The following CAST variants were observed in gnomAD, a reference collection of about 807,000 sequenced individuals.
CAST encodes calpastatin.
A neutral mutation model predicts 119.6 loss-of-function variants in CAST; 76 were observed. The ratio of observed to expected loss-of-function variants is 0.64; its 90% CI spans 0.53 to 0.77. CAST has a LOEUF of 0.77. CAST is among the 30% of genes least tolerant of loss of function. CAST has a pLI of 0.00. For missense variants in CAST, 953 were observed against 946.5 expected, an observed-to-expected ratio of 1.01 and a Z score of -0.09; for synonymous variants, 319 against 331.6, an observed-to-expected ratio of 0.96 and a Z score of 0.41.
chr5:96,012,652 A>G, the CAST span, among the ~76,000 whole-genome samples: 1 of 152,202 alleles, frequency 6.6e-6, no homozygotes, highest in African/African-American at 2.4e-5. Context: ...GCTACTTCTT[A>G]GACCTGTACA....
intron 1 of CAST, among the ~76,000 whole-genome samples, chr5:96,597,585 A>G (rs1561426238): frequency 6.6e-6 from 1 of 152,118 alleles, no homozygotes; most frequent in Non-Finnish European, 1.5e-5. Flanking sequence ...ACCTTCCAAC[A>G]TCACACTCCT....
intron 4 of CAST, among the ~76,000 whole-genome samples, chr5:96,725,422 G>C (rs1184438137): frequency 6.6e-6 from 1 of 152,182 alleles, no homozygotes; most frequent in Non-Finnish European, 1.5e-5. Context: ...GCGATGACTA[G>C]AACACACAAC....
chr5:96,319,109 T>G, the CAST span: 2 of 152,042 alleles, frequency 1.3e-5, no homozygotes, highest in Non-Finnish European at 2.9e-5. Flanking sequence ...TGGCAGAAGG[T>G]GAAGGGGAAG....
the CAST span, among the ~76,000 whole-genome samples, chr5:96,179,570 T>C: frequency 2.0e-5 from 3 of 152,200 alleles, no homozygotes; most frequent in African/African-American, 7.2e-5. Context: ...ACATTGTAGA[T>C]GAATGAATAT....
chr5:96,498,359 C>G, the CAST span, among the ~76,000 whole-genome samples: 3 of 152,028 alleles, frequency 2.0e-5, no homozygotes, highest in African/African-American at 7.2e-5. Context: ...TTTTTTGGTT[C>G]CATATGAACT....
chr5:96,675,261 C>T (rs756318530), intron 1 of CAST, among the ~76,000 whole-genome samples: 5 of 152,154 alleles, frequency 3.3e-5, no homozygotes, highest in Admixed American at 6.5e-5. Context: ...GCTTAAAATT[C>T]GTGAGGCATT....
chr5:96,292,778 T>C, the CAST span, among the ~76,000 whole-genome samples: 1 of 152,176 alleles, frequency 6.6e-6, no homozygotes, highest in Non-Finnish European at 1.5e-5. Flanking sequence ...CCAAACACTG[T>C]CACAGAATTA....
At chr5:96,071,215 C>G in the CAST span, among the ~76,000 whole-genome samples, 1 of 151,992 alleles carries the variant, frequency 6.6e-6, no homozygotes, top group African/African-American at 2.4e-5. Flanking sequence ...TGTCCCTTCT[C>G]AAGCCCACTT....
At chr5:96,099,506 C>T in the CAST span, among the ~76,000 whole-genome samples, 1 of 152,158 alleles carries the variant, frequency 6.6e-6, no homozygotes, top group East Asian at 1.9e-4. Context: ...TCCTTCAGTA[C>T]CTAGTTTATT....
At chr5:96,325,397 CTTTT>C in the CAST span, among the ~76,000 whole-genome samples, 12 of 150,618 alleles carry the variant, frequency 8.0e-5, no homozygotes, top group Non-Finnish European at 1.5e-4. Context: ...TTCTTTCTTT[CTTTT>C]CTTTCTTTCT....
the CAST span, among the ~76,000 whole-genome samples, chr5:96,045,382 G>T: frequency 2.7e-5 from 4 of 150,284 alleles, no homozygotes; most frequent in East Asian, 7.8e-4. Context: ...AAAAGAAAAA[G>T]AAAATTCATA....
At chr5:96,251,529 A>T in the CAST span, among the ~76,000 whole-genome samples, 1 of 152,190 alleles carries the variant, frequency 6.6e-6, no homozygotes, top group Non-Finnish European at 1.5e-5. Context: ...AACTATAAGT[A>T]AAACCAAAGA....
In CAST at chr5:96,770,519, C is replaced by A. The variant is rs995569430; in HGVS notation, c.2269-12C>A. 8 of 1,598,196 alleles carry A rather than the reference C, an allele frequency of 5.0e-6. No individual in the cohort carries two copies. The highest frequency in any genetic ancestry group is 1.1e-5 in the South Asian group (1 of 90,690). On this transcript the variant is annotated splice_polypyrimidine_tract_variant and intron_variant, in intron 29 of 31. Transcript: ENST00000675179. ...TGATAGCCATAGCCTCATTACATTT[C>A]CTTTGCTTTAGGATAAGTGCAAGAA...
chr5:96,269,261 A>G, the CAST span, among the ~76,000 whole-genome samples: 1 of 152,216 alleles, frequency 6.6e-6, no homozygotes, highest in Non-Finnish European at 1.5e-5. Flanking sequence ...CAGCAAGACA[A>G]TATACAATTA....
chr5:96,281,638 C>T, the CAST span, among the ~76,000 whole-genome samples: 3 of 152,146 alleles, frequency 2.0e-5, no homozygotes, highest in Non-Finnish European at 2.9e-5. Flanking sequence ...AATGGAGCTC[C>T]GGCCATGATG....
chr5:96,629,358 TG>T (rs1157152271), intron 1 of CAST, among the ~76,000 whole-genome samples: 1 of 152,018 alleles, frequency 6.6e-6, no homozygotes, highest in African/African-American at 2.4e-5. Flanking sequence ...ATTCCCCAGC[TG>T]GTGTTCTTCT....
At chr5:96,341,508 G>T in the CAST span, among the ~76,000 whole-genome samples, 2 of 152,024 alleles carry the variant, frequency 1.3e-5, no homozygotes, top group African/African-American at 4.8e-5. Flanking sequence ...TAGTGTAAGT[G>T]CCAGGATAAC....
At chr5:96,666,278 A>ACACACC (rs1342666281) in intron 1 of CAST, among the ~76,000 whole-genome samples, 2 of 147,838 alleles carry the variant, frequency 1.4e-5, no homozygotes, top group African/African-American at 5.0e-5. Flanking sequence ...ACACACACAC[A>ACACACC]CCACACAACT....
intron 1 of CAST, among the ~76,000 whole-genome samples, chr5:96,648,897 T>A (rs1383911867): frequency 6.6e-6 from 1 of 152,122 alleles, no homozygotes; most frequent in Non-Finnish European, 1.5e-5. Flanking sequence ...GGTCAAGGAC[T>A]TCATCTTGCT....
Sources: allele counts gnomAD v4.1 joint callset (sites outside exome capture counted in the v4.1 genomes callset), GRCh38; gene constraint gnomAD v4.1.1; transcripts MANE v1.5; gene names NCBI Gene and HGNC (gene_info 2026-07-23, HGNC 2026-07-21).